The following FERMT2 variants were observed in gnomAD, a reference collection of about 807,000 sequenced individuals.
FERMT2 encodes the protein FERM domain containing kindlin 2, also known as fermitin family homolog 2.
FERMT2 carries 15 observed loss-of-function variants against 82.7 expected under a neutral mutation model. The observed-to-expected ratio is 0.18, with a 90% CI of 0.12 to 0.28. The LOEUF (loss-of-function observed/expected upper bound fraction) is 0.28, where lower values mean the gene tolerates loss of function less well. FERMT2 is among the 10% of genes least tolerant of loss of function. The probability of loss-of-function intolerance (pLI) is 1.00; values close to 1 mark genes in which losing one functional copy is unlikely to be tolerated. For missense variants in FERMT2, 645 were observed against 809.4 expected, an observed-to-expected ratio of 0.80 and a Z score of 2.46; for synonymous variants, 274 against 271.5, an observed-to-expected ratio of 1.01 and a Z score of -0.09.
At chr14:52,899,295 T>TA (rs148837982) in intron 3 of FERMT2, among the ~76,000 whole-genome samples, 14,715 of 152,120 alleles carry the variant, frequency 0.097, 774 homozygotes, top group East Asian at 0.2. Flanking sequence ...TTTATTTATT[T>TA]TTTTTGAGAC....
At chr14:52,946,242 T>G (rs912800599) in intron 2 of FERMT2, among the ~76,000 whole-genome samples, 2 of 152,120 alleles carry the variant, frequency 1.3e-5, no homozygotes, top group Non-Finnish European at 1.5e-5. Flanking sequence ...TTGACAAAAT[T>G]TATTTTTGAA....
At chr14:52,944,219 A>G (rs1196257084) in intron 2 of FERMT2, among the ~76,000 whole-genome samples, 1 of 152,232 alleles carries the variant, frequency 6.6e-6, no homozygotes, top group Non-Finnish European at 1.5e-5. Context: ...ACTTACTATC[A>G]GATTTAACCA....
chr14:52,872,039 G>A (rs1339251371), intron 10 of FERMT2: 3 of 152,334 alleles, frequency 2.0e-5, no homozygotes, highest in Non-Finnish European at 4.4e-5. Flanking sequence ...TGGCGAGCCA[G>A]GAAAATTCAG....
At chr14:52,881,780 T>C (rs1167028879) in intron 4 of FERMT2, 5 of 1,316,540 alleles carry the variant, frequency 3.8e-6, no homozygotes, top group South Asian at 2.5e-5. Context: ...TGTCTTTAAA[T>C]TGTGGCAAGG....
chr14:52,925,935 C>T (rs1018083052), intron 2 of FERMT2, among the ~76,000 whole-genome samples: 2 of 152,122 alleles, frequency 1.3e-5, no homozygotes, highest in African/African-American at 2.4e-5. Flanking sequence ...TGAGCCACCG[C>T]GCCCGGCACA....
chr14:52,893,130 G>C (rs1464022411), intron 4 of FERMT2, among the ~76,000 whole-genome samples, 163 bp downstream of exon 4: 2 of 152,190 alleles, frequency 1.3e-5, no homozygotes, highest in East Asian at 1.9e-4. Flanking sequence ...CCAAGTAGCT[G>C]GGACTACAGG....
In FERMT2 at chr14:52,875,274, G is replaced by T. The variant is rs767628979; in HGVS notation, c.1047C>A (p.Ala349=). 1 of 1,612,948 alleles carries T rather than the reference G, an allele frequency of 6.2e-7. No homozygotes were observed. Among genetic ancestry groups the T allele is most frequent in the Non-Finnish European group, 8.5e-7 (1 of 1,179,398 alleles). ...CCAGAGTAATCTCCAGGTCTGAAAG[G>T]GCAGCATCAACTTCATCAACTTCTT... The part of the protein sequence containing the change: ...SDKEVDEVDA[A]LSDLEITLEG... Residue 349 remains alanine (A), a synonymous_variant, in exon 8 of 15, where the codon GCC becomes GCA. Coordinates refer to ENST00000341590, the MANE Select transcript of FERMT2 (RefSeq NM_006832.3).
At chr14:52,877,898 T>C (rs892496452) in intron 7 of FERMT2, among the ~76,000 whole-genome samples, 10 of 152,140 alleles carry the variant, frequency 6.6e-5, no homozygotes, top group Admixed American at 5.9e-4. Flanking sequence ...TTAAGAAAGA[T>C]GAATTAATTT....
At chr14:52,872,707 T>C in intron 10 of FERMT2, 92 bp downstream of exon 10, 1 of 1,419,742 alleles carries the variant, frequency 7.0e-7, no homozygotes, top group Admixed American at 2.1e-5. Context: ...TTGATTTTTT[T>C]AAAAAACTTG....
At chr14:52,903,673 A>G (rs1304076649) in intron 3 of FERMT2, among the ~76,000 whole-genome samples, 2 of 152,214 alleles carry the variant, frequency 1.3e-5, no homozygotes, top group Admixed American at 1.3e-4. Flanking sequence ...TGATCCAACA[A>G]TTCTATCAAA....
intron 2 of FERMT2, 31 bp downstream of exon 2, chr14:52,950,381 A>G (rs745932787): frequency 1.9e-6 from 3 of 1,599,582 alleles, no homozygotes; most frequent in Non-Finnish European, 1.7e-6. Context: ...CTGGGAAGTC[A>G]TTAGTTGGAC....
At chr14:52,949,952 T>C (rs898992308) in intron 2 of FERMT2, among the ~76,000 whole-genome samples, 3 of 152,128 alleles carry the variant, frequency 2.0e-5, no homozygotes, top group African/African-American at 4.8e-5. Flanking sequence ...GCGCCAGTAG[T>C]TGCACATTTT....
At chr14:52,936,578 C>T (rs1889847569) in intron 2 of FERMT2, among the ~76,000 whole-genome samples, 1 of 152,114 alleles carries the variant, frequency 6.6e-6, no homozygotes, top group Non-Finnish European at 1.5e-5. Context: ...CCATCATCAC[C>T]AGACTTCTTT....
At chr14:52,944,585 C>A (rs374942478) in intron 2 of FERMT2, among the ~76,000 whole-genome samples, 4 of 152,326 alleles carry the variant, frequency 2.6e-5, no homozygotes, top group Non-Finnish European at 1.5e-5. Flanking sequence ...AAGCCAGTTT[C>A]TTCATCTGGT....
Position 52,950,437 on chromosome 14 carries a change from C to G in FERMT2, c.132G>C (p.Val44=), listed in dbSNP as rs963295570. Residue 44 remains valine, a synonymous_variant, in exon 2 of 15, where the codon GTG becomes GTC. Coordinates refer to ENST00000341590, the MANE Select transcript of FERMT2 (RefSeq NM_006832.3). The stretch of plus-strand genomic sequence containing the variant: ...CGAGTTTCTCCACCAGCTTAAGCAT[C>G]ACGCCTCCAATGTGCACCTCGCCGG... The part of the protein sequence containing the change: ...RVTGEVHIGG[V]MLKLVEKLDV... 6.2e-7 allele frequency: 1 copy of G among 1,613,892 alleles called. No individual in the cohort carries two copies. The highest frequency in any genetic ancestry group is 8.5e-7 in the Non-Finnish European group (1 of 1,179,974).
intron 4 of FERMT2, among the ~76,000 whole-genome samples, chr14:52,882,265 T>C (rs1307153723): frequency 2.0e-5 from 3 of 152,186 alleles, no homozygotes; most frequent in Non-Finnish European, 2.9e-5. Context: ...AATAAAGTAT[T>C]AATGTAAAAG....
At chr14:52,933,579 A>T (rs149103252) in intron 2 of FERMT2, among the ~76,000 whole-genome samples, 5 of 151,680 alleles carry the variant, frequency 3.3e-5, no homozygotes, top group Non-Finnish European at 7.4e-5. Context: ...GCATGGTGGC[A>T]CATGCCTGTA....
intron 3 of FERMT2, among the ~76,000 whole-genome samples, chr14:52,906,710 T>C (rs1278257917): frequency 6.6e-6 from 1 of 151,644 alleles, no homozygotes; most frequent in Non-Finnish European, 1.5e-5. Flanking sequence ...GAAAAAAACA[T>C]CTTAAATGAA....
chr14:52,930,300 T>C (rs12434179), intron 2 of FERMT2, among the ~76,000 whole-genome samples: 110,980 of 152,084 alleles, frequency 0.73, 40,640 homozygotes, highest in South Asian at 0.81. Flanking sequence ...GTTTATGTTC[T>C]AAAAGTCCAC....
Sources: gnomAD v4.1 joint callset for allele counts (sites outside exome capture counted in the v4.1 genomes callset) on GRCh38, gnomAD v4.1.1 for gene constraint, MANE v1.5 for transcripts, NCBI Gene and HGNC (gene_info 2026-07-23, HGNC 2026-07-21) for gene names.